IL23R: variants seen among roughly 807,000 people sequenced by gnomAD.
IL23R encodes interleukin 23 receptor, also known as interleukin-23 receptor.
A neutral mutation model predicts 56.9 loss-of-function variants in IL23R; 34 were observed. The observed-to-expected ratio is 0.60, with a 90% CI of 0.45 to 0.80. The LOEUF (loss-of-function observed/expected upper bound fraction) is 0.80. Among genes scored for constraint, IL23R ranks in the 30% least tolerant of loss-of-function variants. The probability of loss-of-function intolerance (pLI) is 0.00; values close to 1 mark genes in which losing one functional copy is unlikely to be tolerated. For missense variants in IL23R, 635 were observed against 730.0 expected (o/e 0.87, Z 1.50); for synonymous variants, 230 against 249.2 (o/e 0.92, Z 0.73).
intron 7 of IL23R, among the ~76,000 whole-genome samples, chr1:67,236,379 TATC>T (rs1345348302): frequency 2.6e-5 from 4 of 152,228 alleles, no homozygotes; most frequent in African/African-American, 9.6e-5. Flanking sequence ...AGAGATTAGT[TATC>T]ATGCGTTTTT....
At chr1:67,192,754 C>T (rs540232146) in intron 4 of IL23R, among the ~76,000 whole-genome samples, 1 of 152,286 alleles carries the variant, frequency 6.6e-6, no homozygotes, top group South Asian at 2.1e-4. Context: ...TCAGCAAAAC[C>T]TTCCGGCTCT....
intron 6 of IL23R, among the ~76,000 whole-genome samples, chr1:67,212,063 A>G (rs1649515651): frequency 6.6e-6 from 1 of 150,502 alleles, no homozygotes. Flanking sequence ...GACCAAATAA[A>G]TATTTAGAAA....
intron 1 of IL23R, among the ~76,000 whole-genome samples, chr1:67,157,791 T>C (rs1646781777): frequency 6.6e-6 from 1 of 152,232 alleles, no homozygotes. Context: ...CCATCTAATA[T>C]TGTATTTTAC....
chr1:67,207,960 A>G (rs1649200486), intron 6 of IL23R, among the ~76,000 whole-genome samples: 1 of 152,216 alleles, frequency 6.6e-6, no homozygotes, highest in Non-Finnish European at 1.5e-5. Context: ...TGCTGATAGC[A>G]ATATGGACAA....
At position 67,207,469 on chromosome 1, in the gene IL23R, C is replaced by G. The variant is rs139913222; in HGVS notation, c.798+414C>G. On this transcript the variant is annotated intron_variant, in intron 6 of 10. Transcript: ENST00000347310. Reference sequence around the variant, plus strand: ...CACCAAATCGCAACTTGAATTGTGTCTCCCAGAATTCCCAGGTGTTGTGGG... The same window carrying G: ...CACCAAATCGCAACTTGAATTGTGTGTCCCAGAATTCCCAGGTGTTGTGGG... 1.3e-4 allele frequency: 40 copies of G among 318,466 alleles called. No homozygotes were observed. In the Admixed American group the frequency reaches 1.4e-3, roughly 11 times the overall value. The allele number at this position is 318,466 out of a possible 1,614,324, so 19.7% of individuals were successfully genotyped here.
intron 9 of IL23R, among the ~76,000 whole-genome samples, chr1:67,253,917 T>A (rs1652797274): frequency 6.6e-6 from 1 of 152,160 alleles, no homozygotes; most frequent in South Asian, 2.1e-4. Context: ...ATAAGTACTC[T>A]TTTTAAAAAG....
rs190498849 is a variant in IL23R, at chr1:67,248,297, A to G, written c.1149-7540A>G. Among the ~76,000 whole-genome samples, 72 of 152,124 alleles carry G rather than the reference A, an allele frequency of 4.7e-4. 1 individual carries two copies. The East Asian group carries it at 0.013, about 27-fold the overall frequency. On this transcript the variant is annotated intron_variant, in intron 9 of 10. Transcript: ENST00000347310. ...TTTCACATATTCCCATATTTCTTGG[A>G]GGCTTTGTTTGATTCTTTTCATTCT...
At chr1:67,217,406 C>T (rs1649918056) in intron 6 of IL23R, among the ~76,000 whole-genome samples, 1 of 152,112 alleles carries the variant, frequency 6.6e-6, no homozygotes, top group South Asian at 2.1e-4. Flanking sequence ...GATAACAGTT[C>T]CATAACGTTC....
intron 2 of IL23R, among the ~76,000 whole-genome samples, chr1:67,169,138 C>CAAAAAAAA (rs5774855): frequency 1.2e-5 from 1 of 81,298 alleles, no homozygotes; most frequent in African/African-American, 4.9e-5. Context: ...GAGACTGTCT[C>CAAAAAAAA]AAAAAAAAAA....
At chr1:67,180,651 A>G (rs1259135491) in intron 3 of IL23R, among the ~76,000 whole-genome samples, 1 of 152,120 alleles carries the variant, frequency 6.6e-6, no homozygotes, top group Non-Finnish European at 1.5e-5. Flanking sequence ...TGTGAATTTG[A>G]TCCTGTCATT....
At chr1:67,175,372 C>T (rs762076792) in intron 3 of IL23R, among the ~76,000 whole-genome samples, 10 of 152,036 alleles carry the variant, frequency 6.6e-5, no homozygotes, top group African/African-American at 2.2e-4. Context: ...CCATTTTTAC[C>T]ATGGTTAAGT....
At chr1:67,139,768 C>T (rs1472954626) in intron 1 of IL23R, among the ~76,000 whole-genome samples, 1 of 152,078 alleles carries the variant, frequency 6.6e-6, no homozygotes, top group African/African-American at 2.4e-5. Context: ...GTTTCAAACT[C>T]CTGGACCCAA....
intron 8 of IL23R, among the ~76,000 whole-genome samples, chr1:67,239,796 G>A (rs959904009): frequency 4.6e-5 from 7 of 152,108 alleles, no homozygotes; most frequent in Admixed American, 3.3e-4. Context: ...AAAAAAATCA[G>A]TATGATTGTA....
At chr1:67,179,386 C>A (rs145140584) in intron 3 of IL23R, among the ~76,000 whole-genome samples, 2 of 151,976 alleles carry the variant, frequency 1.3e-5, no homozygotes, top group African/African-American at 4.8e-5. Context: ...TTCTTCTAGA[C>A]TTTCTAGTTT....
chr1:67,226,325 C>T (rs950648580), intron 7 of IL23R, among the ~76,000 whole-genome samples: 1 of 152,164 alleles, frequency 6.6e-6, no homozygotes, highest in Non-Finnish European at 1.5e-5. Context: ...AGGTCACACA[C>T]AGATTTGAAG....
At chr1:67,250,760 A>G (rs761785411) in intron 9 of IL23R, among the ~76,000 whole-genome samples, 8 of 152,224 alleles carry the variant, frequency 5.3e-5, no homozygotes, top group Non-Finnish European at 1.2e-4. Flanking sequence ...CAACACATAT[A>G]TAACTACACA....
chr1:67,154,015 G>T (rs1481021146), intron 1 of IL23R, among the ~76,000 whole-genome samples: 5 of 152,220 alleles, frequency 3.3e-5, no homozygotes, highest in South Asian at 4.1e-4. Flanking sequence ...TGATCTGCCC[G>T]CTTCGTTCTC....
Position 67,207,040 on chromosome 1 carries a change from A to G in IL23R, c.783A>G (p.Thr261=), listed in dbSNP as rs762088470. The change falls in exon 6 of 11, where the codon ACA becomes ACG. Residue 261 remains threonine (T), a synonymous_variant. Transcript: ENST00000347310. ...VSCEMRYKAT[T]NQTWNVKEFD... ...GTGAAATGAGATACAAGGCTACAAC[A>G]AACCAAACTTGGAATGTAAGCTCAA... is the stretch of plus-strand genomic sequence containing the variant. The G allele has an allele frequency of 1.9e-6, 3 of 1,614,118 alleles. No individual in the cohort carries two copies. The highest frequency in any genetic ancestry group is 2.2e-5 in the East Asian group (1 of 44,858).
intron 7 of IL23R, among the ~76,000 whole-genome samples, 173 bp downstream of exon 7, chr1:67,219,903 C>A (rs748188699): frequency 6.6e-6 from 1 of 151,942 alleles, no homozygotes; most frequent in Non-Finnish European, 1.5e-5. Flanking sequence ...CTAGTCTGTA[C>A]AGAAAAATAA....
Sources: gnomAD v4.1 joint callset for allele counts (sites outside exome capture counted in the v4.1 genomes callset) on GRCh38, gnomAD v4.1.1 for gene constraint, MANE v1.5 for transcripts, NCBI Gene and HGNC (gene_info 2026-07-23, HGNC 2026-07-21) for gene names.